Variants in TSHZ2 observed in about 807,000 individuals in gnomAD.
The protein encoded by TSHZ2 is teashirt homolog 2.
Under a neutral mutation model 74.4 loss-of-function variants are expected in TSHZ2, and 21 were observed. The observed-to-expected ratio is 0.28, with a 90% CI of 0.20 to 0.41. The LOEUF (loss-of-function observed/expected upper bound fraction) is 0.41. Ranked by LOEUF, TSHZ2 falls within the 10% of genes least tolerant of loss-of-function variation. The pLI, the probability that TSHZ2 is intolerant of heterozygous loss-of-function variation, is 1.00. For missense variants in TSHZ2, 1,244 were observed against 1,293.5 expected (o/e 0.96, Z 0.59); for synonymous variants, 540 against 515.3 (o/e 1.05, Z -0.65).
chr20:53,427,425 C>A (rs1600630918), intron 2 of TSHZ2, among the ~76,000 whole-genome samples: 1 of 152,210 alleles, frequency 6.6e-6, no homozygotes, highest in Admixed American at 6.5e-5. Context: ...TCCCCACCCC[C>A]ACCACCCACC....
chr20:53,319,679 C>G (rs569045417), intron 2 of TSHZ2, among the ~76,000 whole-genome samples: 10 of 152,370 alleles, frequency 6.6e-5, no homozygotes, highest in African/African-American at 2.4e-4. Context: ...CTCATGTGGG[C>G]TCTGTCACTT....
At chr20:53,298,625 A>G (rs1304704988) in intron 2 of TSHZ2, among the ~76,000 whole-genome samples, 1 of 152,212 alleles carries the variant, frequency 6.6e-6, no homozygotes, top group Non-Finnish European at 1.5e-5. Flanking sequence ...TGCAGAAGCC[A>G]GGGTGCAGGG....
At chr20:53,440,446 C>A (rs1394079781) in intron 2 of TSHZ2, among the ~76,000 whole-genome samples, 1 of 152,190 alleles carries the variant, frequency 6.6e-6, no homozygotes. Context: ...ACGTCATTGT[C>A]ACATTTCTGT....
At chr20:53,039,791 C>T (rs112227806) in intron 1 of TSHZ2, among the ~76,000 whole-genome samples, 60,856 of 146,868 alleles carry the variant, frequency 0.41, 13,426 homozygotes, top group East Asian at 0.63. Context: ...AACACACACA[C>T]ACACACACAC....
intron 1 of TSHZ2, among the ~76,000 whole-genome samples, chr20:53,148,417 C>T (rs992036569): frequency 9.9e-5 from 15 of 152,134 alleles, no homozygotes; most frequent in Middle Eastern, 3.2e-3. Context: ...GATCCAGCTT[C>T]GAACCTCAAT....
intron 1 of TSHZ2, among the ~76,000 whole-genome samples, chr20:53,102,876 T>C (rs984577536): frequency 6.7e-6 from 1 of 148,904 alleles, no homozygotes; most frequent in African/African-American, 2.5e-5. Context: ...CTTTCTTTTT[T>C]TTTTTTATTA....
At chr20:53,312,215 A>T (rs774565643) in intron 2 of TSHZ2, among the ~76,000 whole-genome samples, 106 of 152,360 alleles carry the variant, frequency 7.0e-4, no homozygotes, top group Non-Finnish European at 1.2e-3. Flanking sequence ...ACATAAGGAC[A>T]GGGCAGTAGA....
intron 1 of TSHZ2, among the ~76,000 whole-genome samples, chr20:53,199,802 G>A (rs146221655): frequency 1.3e-5 from 2 of 152,170 alleles, no homozygotes; most frequent in Admixed American, 6.5e-5. Flanking sequence ...GGCAGGAAGC[G>A]TGTGAGCCAG....
intron 1 of TSHZ2, among the ~76,000 whole-genome samples, chr20:53,171,122 C>G (rs1988190686): frequency 6.6e-6 from 1 of 152,066 alleles, no homozygotes; most frequent in Non-Finnish European, 1.5e-5. Flanking sequence ...TTTATTAATG[C>G]AAAAACATTA....
In TSHZ2 at chr20:53,377,917, A is replaced by G. The variant is rs1191445200; in HGVS notation, c.*9-109227A>G. Reference sequence around the variant, plus strand: ...CGTGGCCAGAGTTTGCTGGCCCTGGATTAGATGCTTGTCTCAAGGTCTCAG... The same window carrying G: ...CGTGGCCAGAGTTTGCTGGCCCTGGGTTAGATGCTTGTCTCAAGGTCTCAG... On this transcript the variant is annotated intron_variant, in intron 2 of 2. Transcript: ENST00000371497. 3.3e-5 allele frequency among the ~76,000 whole-genome samples: 5 copies of G among 152,228 alleles called. No homozygotes were observed. The South Asian group carries it at 1.0e-3, about 32-fold the overall frequency.
At chr20:53,178,119 A>C (rs952933150) in intron 1 of TSHZ2, 3 of 152,246 alleles carry the variant, frequency 2.0e-5, no homozygotes, top group African/African-American at 7.2e-5. Context: ...GATAATTTCC[A>C]TAAATTAACC....
At chr20:53,391,145 GTTTTGT>G (rs1568897040) in intron 2 of TSHZ2, among the ~76,000 whole-genome samples, 161 of 150,456 alleles carry the variant, frequency 1.1e-3, no homozygotes, top group African/African-American at 3.9e-3. Flanking sequence ...GTTTTGTTTT[GTTTTGT>G]TTTGGTTTGG....
intron 2 of TSHZ2, among the ~76,000 whole-genome samples, chr20:53,485,802 GTTGTT>G (rs1375361134): frequency 6.6e-6 from 1 of 152,012 alleles, no homozygotes; most frequent in African/African-American, 2.4e-5. Flanking sequence ...AGGTTAATAG[GTTGTT>G]TTGTTTTTGT....
chr20:53,470,709 A>G (rs1397813448), intron 2 of TSHZ2, among the ~76,000 whole-genome samples: 1 of 152,112 alleles, frequency 6.6e-6, no homozygotes, highest in Non-Finnish European at 1.5e-5. Context: ...AGCCACTCAG[A>G]AGGCTAAGAC....
intron 2 of TSHZ2, among the ~76,000 whole-genome samples, chr20:53,469,045 T>TTATATATA (rs143724013): frequency 0.13 from 6,110 of 47,868 alleles, 809 homozygotes; most frequent in Non-Finnish European, 0.16. Flanking sequence ...AATCGATATT[T>TTATATATA]TATATATATA....
intron 1 of TSHZ2, among the ~76,000 whole-genome samples, chr20:53,051,647 T>A (rs1409205564): frequency 6.6e-6 from 1 of 152,220 alleles, no homozygotes; most frequent in Non-Finnish European, 1.5e-5. Context: ...TTACAGGCCT[T>A]GCCACCTGGC....
rs1600623190 is a variant in TSHZ2 at position 52,972,993 on chromosome 20, C to A, written c.-301C>A. ...AACAAAACCAAAAAAATTCCAAAAGCAAAAACAAAAAAGAGAGAGGAAAAA... is the reference window on the plus strand; with the variant it reads ...AACAAAACCAAAAAAATTCCAAAAGAAAAAACAAAAAAGAGAGAGGAAAAA... On this transcript the variant is annotated 5_prime_UTR_variant, in exon 1 of 3. Transcript: ENST00000371497. 1.1e-5 allele frequency: 4 copies of A among 371,530 alleles called. No homozygotes were observed. The highest frequency in any genetic ancestry group is 1.3e-4 in the South Asian group (1 of 7,754). The allele number at this position is 371,530 out of a possible 1,614,324, so 23.0% of individuals were successfully genotyped here.
At chr20:53,119,298 G>A (rs1259489504) in intron 1 of TSHZ2, among the ~76,000 whole-genome samples, 1 of 152,306 alleles carries the variant, frequency 6.6e-6, no homozygotes, top group East Asian at 1.9e-4. Flanking sequence ...ATCTTACTGA[G>A]CATTTGCTAT....
At chr20:53,013,953 A>G (rs1159666963) in intron 1 of TSHZ2, among the ~76,000 whole-genome samples, 1 of 152,170 alleles carries the variant, frequency 6.6e-6, no homozygotes, top group African/African-American at 2.4e-5. Flanking sequence ...GCAGCCATGG[A>G]GTTTACTTTC....
Sources: gnomAD v4.1 joint callset for allele counts (sites outside exome capture counted in the v4.1 genomes callset) on GRCh38, gnomAD v4.1.1 for gene constraint, MANE v1.5 for transcripts, NCBI Gene and HGNC (gene_info 2026-07-23, HGNC 2026-07-21) for gene names.